Variants in TNRC18 observed in about 807,000 individuals in gnomAD.
TNRC18 encodes the protein trinucleotide repeat-containing gene 18 protein.
TNRC18 carries 69 observed loss-of-function variants against 226.7 expected under a neutral mutation model. The ratio of observed to expected loss-of-function variants is 0.30; its 90% confidence interval spans 0.25 to 0.37. TNRC18 has a LOEUF of 0.37. Among genes scored for constraint, TNRC18 ranks in the 10% least tolerant of loss-of-function variants. The probability of loss-of-function intolerance (pLI) is 1.00; values close to 1 mark genes in which losing one functional copy is unlikely to be tolerated. For synonymous variants in TNRC18, 2,449 were observed against 1,927.6 expected (o/e 1.27, Z -7.09); for missense variants, 4,754 against 4,256.6 (o/e 1.12, Z -3.25).
Position 5,370,812 on chromosome 7 carries a change from G to C in TNRC18, c.3782C>G (p.Pro1261Arg). Residue 1261 changes from proline (P) to arginine (R), a missense_variant, in exon 11 of 30, where the codon CCG becomes CGG. Physicochemically the swap from Pro to Arg is moderately radical, Grantham distance 103. Transcript: ENST00000430969. ...PETLVEAKEE[P>R]VEVPVAVPVV... Reference sequence around the variant, plus strand: ...GGGCACCGCCACAGGCACCTCCACCGGCTCCTCCTTGGCCTCCACCAGTGT... The same window carrying C: ...GGGCACCGCCACAGGCACCTCCACCCGCTCCTCCTTGGCCTCCACCAGTGT... 6.2e-7 allele frequency: 1 copy of C among 1,608,608 alleles called. No homozygotes were observed. Among genetic ancestry groups the C allele is most frequent in the Non-Finnish European group, 8.5e-7 (1 of 1,178,888 alleles).
intron 16 of TNRC18, 77 bp from the exon 17 acceptor site, chr7:5,352,171 T>C: frequency 2.1e-6 from 3 of 1,432,016 alleles, no homozygotes; most frequent in East Asian, 4.9e-5. Flanking sequence ...GTTTTAATGG[T>C]TCTGAGAACG....
chr7:5,314,652 A>G (rs1562481739), intron 26 of TNRC18, among the ~76,000 whole-genome samples: 2 of 144,296 alleles, frequency 1.4e-5, no homozygotes, highest in East Asian at 4.1e-4. Flanking sequence ...GGCTCACTGC[A>G]ACCTCCAGCT....
At chr7:5,414,671 CA>C (rs1239683885) in intron 2 of TNRC18, among the ~76,000 whole-genome samples, 1 of 152,210 alleles carries the variant, frequency 6.6e-6, no homozygotes, top group Admixed American at 6.5e-5. Context: ...CTCAGCCTCC[CA>C]AAGTACTGGG....
At chr7:5,387,507 CTG>C (rs1254624452) in intron 5 of TNRC18, among the ~76,000 whole-genome samples, 163 bp downstream of exon 5, 4 of 152,236 alleles carry the variant, frequency 2.6e-5, no homozygotes, top group Non-Finnish European at 4.4e-5. Context: ...GAGTGGAAAA[CTG>C]AACCATGGTA....
At chr7:5,349,211 A>G (rs896663106) in intron 17 of TNRC18, among the ~76,000 whole-genome samples, 1 of 152,096 alleles carries the variant, frequency 6.6e-6, no homozygotes, top group African/African-American at 2.4e-5. Flanking sequence ...TGCGTGCTTG[A>G]CAAGGCCACA....
At position 5,414,506 on chromosome 7, in the gene TNRC18, A is replaced by G. The variant is rs796908418; in HGVS notation, c.187+6554T>C. On this transcript the variant is annotated intron_variant, in intron 2 of 29. Transcript: ENST00000430969. ...CGGCTCACTGCAAACTCCGCCTCCC[A>G]GGTTCACGCCATTCTCCTGCCTCAG... 7.5e-4 allele frequency among the ~76,000 whole-genome samples: 113 copies of G among 151,494 alleles called. 1 individual carries two copies. Among genetic ancestry groups the G allele is most frequent in the African/African-American group, 2.7e-3 (110 of 41,316 alleles).
intron 3 of TNRC18, among the ~76,000 whole-genome samples, chr7:5,391,767 G>T (rs868431975): frequency 3.5e-4 from 53 of 150,508 alleles, no homozygotes; most frequent in Middle Eastern, 3.5e-3. Context: ...GAGGCCGATG[G>T]GGGAGGATTG....
intron 17 of TNRC18, among the ~76,000 whole-genome samples, chr7:5,349,368 G>A (rs1354653264): frequency 6.6e-6 from 1 of 152,106 alleles, no homozygotes; most frequent in Non-Finnish European, 1.5e-5. Context: ...GACAGGGAGG[G>A]GGGAAAAAAG....
At chr7:5,322,880 C>A (rs1469897251) in intron 21 of TNRC18, among the ~76,000 whole-genome samples, 1 of 152,242 alleles carries the variant, frequency 6.6e-6, no homozygotes, top group Non-Finnish European at 1.5e-5. Flanking sequence ...ACTTCCCACA[C>A]CCTGACGTTG....
rs1481902001 is a variant in TNRC18, at chr7:5,324,997, G to T, written c.6300+99C>A. ...CAACCTCTCTGAGCCACAGCTATAG[G>T]GAGGGTGAATACAGAGGAGCAGGTG... On this transcript the variant is annotated intron_variant, in intron 20 of 29. Coordinates refer to ENST00000430969, the MANE Select transcript of TNRC18 (RefSeq NM_001080495.3). This position sits in a 1 kb window ranked among gnomAD's most constrained non-coding sequence, Gnocchi z 4.8. The T allele has an allele frequency of 2.2e-6, 3 of 1,377,412 alleles. No homozygotes were observed. Among genetic ancestry groups the T allele is most frequent in the Non-Finnish European group, 1.9e-6 (2 of 1,027,188 alleles). The allele number at this position is 1,377,412 out of a possible 1,614,324, so 85.3% of individuals were successfully genotyped here.
chr7:5,333,006 C>T lies in TNRC18; in HGVS notation c.5763G>A (p.Val1921=). The part of the protein sequence containing the change: ...EYTDSESEVK[V]RKRSPAGLLR... The stretch of plus-strand genomic sequence containing the variant: ...GCAGCCCCGCAGGCGACCGCTTGCG[C>T]ACCTTGACCTCGCTCTCTGAGTCGG... Residue 1921 remains valine (V), a synonymous_variant, in exon 19 of 30, where the codon GTG becomes GTA. Coordinates refer to ENST00000430969, the MANE Select transcript of TNRC18 (RefSeq NM_001080495.3). The T allele has an allele frequency of 6.3e-7, 1 of 1,577,556 alleles. No individual in the cohort carries two copies. The highest frequency in any genetic ancestry group is 8.5e-7 in the Non-Finnish European group (1 of 1,170,002).
intron 11 of TNRC18, among the ~76,000 whole-genome samples, chr7:5,367,457 C>T (rs575556222): frequency 6.6e-5 from 10 of 151,406 alleles, no homozygotes; most frequent in Admixed American, 2.0e-4. Context: ...GATGGAGTTC[C>T]ACTCTTGTTG....
chr7:5,316,965 T>A (rs902610212), intron 24 of TNRC18, among the ~76,000 whole-genome samples: 32 of 151,978 alleles, frequency 2.1e-4, no homozygotes, highest in Non-Finnish European at 2.9e-5. Flanking sequence ...AGCTTCACCC[T>A]AGAGAGAGGC....
intron 4 of TNRC18, 196 bp downstream of exon 4, chr7:5,390,289 T>G: frequency 3.4e-6 from 2 of 585,198 alleles, no homozygotes; most frequent in Non-Finnish European, 2.9e-6. Flanking sequence ...CATTTGGGAG[T>G]TTGAGGCTGC....
chr7:5,388,701 C>T lies in TNRC18; in HGVS notation c.1123G>A (p.Val375Met), dbSNP rs1324021012. The change falls in exon 5 of 30, where the codon GTG becomes ATG. Residue 375 changes from valine to methionine, a missense_variant. By Grantham distance (21) the Val-to-Met change is conservative. Transcript: ENST00000430969. ...TCGTCGAAGGCCTCCACGGAAGGCA[C>T]GAAGGTGGGCGCCACCACGCGGTGC... Reference protein sequence around the residue: ...REHRVVAPTFVPSVEAFDERP... With the variant: ...REHRVVAPTFMPSVEAFDERP... 7.1e-6 allele frequency: 9 copies of T among 1,263,894 alleles called. No individual in the cohort carries two copies. The highest frequency in any genetic ancestry group is 4.4e-5 in the Admixed American group (1 of 22,556). The allele number at this position is 1,263,894 out of a possible 1,614,324, so 78.3% of individuals were successfully genotyped here. A position where few individuals can be genotyped will look rare whatever the true frequency, so the allele number is the denominator to read the frequency against.
In TNRC18 at chr7:5,377,671, G is replaced by A. The variant is rs1779091231; in HGVS notation, c.2256-95C>T. The A allele has an allele frequency of 6.0e-6, 8 of 1,339,554 alleles. No homozygotes were observed. The highest frequency in any genetic ancestry group is 8.2e-6 in the Non-Finnish European group (8 of 974,280). 83.0% of individuals were successfully genotyped at this position (1,339,554 alleles called of 1,614,324 possible). The stretch of plus-strand genomic sequence containing the variant: ...GCCCCAAGGAACTGTTTGCCACCAG[G>A]CCATGAGTCAGGACAACCACTGCTC... On this transcript the variant is annotated intron_variant, in intron 6 of 29. Coordinates refer to ENST00000430969, the MANE Select transcript of TNRC18 (RefSeq NM_001080495.3). This position sits in a 1 kb window ranked among gnomAD's most constrained non-coding sequence, Gnocchi z 5.8.
chr7:5,360,533 G>A lies in TNRC18; in HGVS notation c.4662-964C>T, dbSNP rs552640290. On this transcript the variant is annotated intron_variant, in intron 14 of 29. Transcript: ENST00000430969. Reference sequence around the variant, plus strand: ...GCGTGAGCCACCGTGGCCAACCTGTGTACTTATTTTTTTATAGATGAGAAA... The same window carrying A: ...GCGTGAGCCACCGTGGCCAACCTGTATACTTATTTTTTTATAGATGAGAAA... 5.3e-5 allele frequency among the ~76,000 whole-genome samples: 8 copies of A among 152,220 alleles called. No homozygotes were observed. The East Asian group carries it at 1.5e-3, about 29-fold the overall frequency.
At chr7:5,319,671 G>A (rs1167627593) in intron 24 of TNRC18, among the ~76,000 whole-genome samples, 1 of 152,122 alleles carries the variant, frequency 6.6e-6, no homozygotes, top group Non-Finnish European at 1.5e-5. Context: ...ACCACGCCCG[G>A]CTAATTTTTG....
rs765573494 is a variant in TNRC18, at chr7:5,387,688, C to A, written c.2136G>T (p.Ser712=). ...PGLVDQERSL[S]LSNVKGHGRA... is the part of the protein sequence containing the mutation. ...AGGACCTACCTTTGACGTTACTCAG[C>A]GACAGAGAGCGCTCCTGGTCTACCA... Residue 712 remains serine, a synonymous_variant, in exon 5 of 30, where the codon TCG becomes TCT. Transcript: ENST00000430969. 8.1e-6 allele frequency: 13 copies of A among 1,604,608 alleles called. No individual in the cohort carries two copies. The highest frequency in any genetic ancestry group is 1.1e-5 in the Non-Finnish European group (13 of 1,179,844).
Sources: gnomAD v4.1 joint callset for allele counts (sites outside exome capture counted in the v4.1 genomes callset) on GRCh38, gnomAD v4.1.1 for gene constraint, Gnocchi (gnomAD v3.1) non-coding constraint, MANE v1.5 for transcripts, NCBI Gene and HGNC (gene_info 2026-07-23, HGNC 2026-07-21) for gene names.